The following TENM3 variants were observed in gnomAD, a reference collection of about 807,000 sequenced individuals.
The protein encoded by TENM3 is teneurin-3.
In TENM3, 63 loss-of-function variants were observed where a neutral mutation model predicts 255.1. That is an observed-to-expected ratio of 0.25 (90% CI 0.20 to 0.30). TENM3 has a LOEUF of 0.30. TENM3 is among the 10% of genes least tolerant of loss of function. TENM3 has a pLI of 1.00. For missense variants in TENM3, 2,929 were observed against 3,461.1 expected (o/e 0.85, Z 3.86); for synonymous variants, 1,306 against 1,322.3 (o/e 0.99, Z 0.27).
chr4:182,134,253 G>A, the TENM3 span, among the ~76,000 whole-genome samples: 1 of 152,168 alleles, frequency 6.6e-6, no homozygotes, highest in South Asian at 2.1e-4. Context: ...AAGTCACACT[G>A]TAAACTCTTG....
chr4:182,483,770 C>T (rs76220344), intron 3 of TENM3, among the ~76,000 whole-genome samples: 151 of 152,158 alleles, frequency 9.9e-4, no homozygotes, highest in Non-Finnish European at 1.8e-3. Context: ...CTGGGGAGGC[C>T]TCAAGAGACT....
chr4:182,227,201 C>T (rs1287681605), intron 1 of TENM3, among the ~76,000 whole-genome samples: 1 of 152,116 alleles, frequency 6.6e-6, no homozygotes, highest in African/African-American at 2.4e-5. Context: ...CATTTCTGTC[C>T]AGTGACCTCA....
the TENM3 span, among the ~76,000 whole-genome samples, chr4:181,815,279 C>T: frequency 6.6e-6 from 1 of 150,924 alleles, no homozygotes; most frequent in Non-Finnish European, 1.5e-5. Flanking sequence ...TGGTGAAACC[C>T]CGTCTCTACA....
At chr4:182,405,435 G>A (rs1248465614) in intron 3 of TENM3, among the ~76,000 whole-genome samples, 2 of 152,206 alleles carry the variant, frequency 1.3e-5, no homozygotes, top group South Asian at 4.1e-4. Context: ...GATGCATGTT[G>A]AGTGTATGGA....
intron 1 of TENM3, among the ~76,000 whole-genome samples, chr4:182,159,401 G>T (rs1750938139): frequency 6.6e-6 from 1 of 152,024 alleles, no homozygotes; most frequent in South Asian, 2.1e-4. Flanking sequence ...ACACAGGGAG[G>T]TCCTAGTGGA....
At chr4:181,858,060 T>G in the TENM3 span, among the ~76,000 whole-genome samples, 1 of 152,340 alleles carries the variant, frequency 6.6e-6, no homozygotes, top group Non-Finnish European at 1.5e-5. Flanking sequence ...TTTAAGTGTT[T>G]AAATAACTAT....
the TENM3 span, among the ~76,000 whole-genome samples, chr4:182,059,270 T>G: frequency 0.022 from 3,323 of 152,214 alleles, 121 homozygotes; most frequent in African/African-American, 0.075. Context: ...ACTACTATGC[T>G]GGTTTCCTTA....
At chr4:181,833,848 A>C in the TENM3 span, among the ~76,000 whole-genome samples, 1 of 152,158 alleles carries the variant, frequency 6.6e-6, no homozygotes, top group Non-Finnish European at 1.5e-5. Context: ...TCTCAAGGAC[A>C]AGGGGTGTCC....
At chr4:182,686,867 G>A (rs1040427287) in intron 11 of TENM3, among the ~76,000 whole-genome samples, 7 of 152,116 alleles carry the variant, frequency 4.6e-5, no homozygotes, top group South Asian at 2.1e-4. Context: ...ATGTTATGTT[G>A]CTCTGAAGTT....
At chr4:182,335,302 TCC>T (rs1764039398) in intron 2 of TENM3, among the ~76,000 whole-genome samples, 1 of 98,684 alleles carries the variant, frequency 1.0e-5, no homozygotes, top group Non-Finnish European at 2.3e-5. Flanking sequence ...ATCGAGACCA[TCC>T]TGTGAATGGT....
chr4:181,726,386 T>A, the TENM3 span, among the ~76,000 whole-genome samples: 1 of 152,140 alleles, frequency 6.6e-6, no homozygotes, highest in African/African-American at 2.4e-5. Flanking sequence ...CAATTTCACA[T>A]ATACGCTTTA....
chr4:181,945,361 G>A, the TENM3 span, among the ~76,000 whole-genome samples: 12 of 152,108 alleles, frequency 7.9e-5, no homozygotes, highest in Non-Finnish European at 1.3e-4. Flanking sequence ...AAGCAGGAGC[G>A]ACTGCTGCTT....
chr4:181,735,698 C>G, the TENM3 span, among the ~76,000 whole-genome samples: 7 of 152,024 alleles, frequency 4.6e-5, no homozygotes, highest in African/African-American at 1.7e-4. Flanking sequence ...CAGCACTAAC[C>G]CATTCCTGTT....
the TENM3 span, among the ~76,000 whole-genome samples, chr4:181,719,347 T>A: frequency 1.6e-4 from 24 of 152,326 alleles, no homozygotes; most frequent in Non-Finnish European, 1.5e-5. Context: ...TGAAAGGGCT[T>A]GGATACTATC....
chr4:181,853,126 T>C, the TENM3 span, among the ~76,000 whole-genome samples: 2 of 152,224 alleles, frequency 1.3e-5, no homozygotes, highest in Non-Finnish European at 2.9e-5. Context: ...TACTTTTTAG[T>C]GTTTAGAAAA....
At chr4:182,328,026 G>A (rs981416315) in intron 2 of TENM3, among the ~76,000 whole-genome samples, 1 of 152,180 alleles carries the variant, frequency 6.6e-6, no homozygotes, top group South Asian at 2.1e-4. Context: ...ACGATGTCTG[G>A]AAGTAAGAAT....
At chr4:182,131,306 T>C in the TENM3 span, among the ~76,000 whole-genome samples, 12 of 152,114 alleles carry the variant, frequency 7.9e-5, no homozygotes, top group Non-Finnish European at 1.6e-4. Context: ...GCAAAATACG[T>C]TTCGCCACAC....
At chr4:182,788,113 G>T (rs906432839) in intron 24 of TENM3, among the ~76,000 whole-genome samples, 1 of 152,120 alleles carries the variant, frequency 6.6e-6, no homozygotes, top group Admixed American at 6.6e-5. Flanking sequence ...CTAGAATATG[G>T]TTATGTAAAA....
chr4:181,705,598 A>G, the TENM3 span, among the ~76,000 whole-genome samples: 1 of 152,140 alleles, frequency 6.6e-6, no homozygotes, highest in Non-Finnish European at 1.5e-5. Context: ...TCTTTTTTCA[A>G]CTTAAATCTA....
Sources: allele counts gnomAD v4.1 joint callset (sites outside exome capture counted in the v4.1 genomes callset), GRCh38; gene constraint gnomAD v4.1.1; transcripts MANE v1.5; gene names NCBI Gene and HGNC (gene_info 2026-07-23, HGNC 2026-07-21).